Variants in ASIC2 observed in about 807,000 individuals in gnomAD.
ASIC2 encodes the protein acid-sensing ion channel 2.
ASIC2 carries 25 observed loss-of-function variants against 57.3 expected under a neutral mutation model. That is an observed-to-expected ratio of 0.44 (90% CI 0.32 to 0.61). The LOEUF (loss-of-function observed/expected upper bound fraction) is 0.61. Ranked by LOEUF, ASIC2 falls within the 20% of genes least tolerant of loss-of-function variation. The pLI is 0.06. For synonymous variants in ASIC2, 319 were observed against 307.5 expected, an observed-to-expected ratio of 1.04 and a Z score of -0.39; for missense variants, 641 against 738.1, an observed-to-expected ratio of 0.87 and a Z score of 1.52.
Position 33,399,557 on chromosome 17 carries a change from C to T in ASIC2, c.556-287490G>A, listed in dbSNP as rs1366216284. Among the ~76,000 whole-genome samples, 4 of 152,328 alleles carry T rather than the reference C, an allele frequency of 2.6e-5. No homozygotes were observed. The East Asian group carries it at 5.8e-4, about 22-fold the overall frequency. The stretch of plus-strand genomic sequence containing the variant: ...ATGAACCATCTAAATCCCAGTATGG[C>T]CTGTTCCCCACAGCATGCTGGCCAC... On this transcript the variant is annotated intron_variant, in intron 1 of 9. Transcript: ENST00000359872.
At chr17:33,409,262 A>T (rs1407433843) in intron 1 of ASIC2, among the ~76,000 whole-genome samples, 5 of 152,140 alleles carry the variant, frequency 3.3e-5, no homozygotes, top group African/African-American at 1.2e-4. Flanking sequence ...TTTCCTCCAG[A>T]GGTCATCAAC....
In ASIC2 at chr17:34,066,961, C is replaced by T. The variant is rs187562875; in HGVS notation, c.555+89017G>A. On this transcript the variant is annotated intron_variant, in intron 1 of 9. Transcript: ENST00000359872. The stretch of plus-strand genomic sequence containing the variant: ...AAAGCCCCTGTGTCTAACCTCAAAT[C>T]TGAGAGAACTAAAGTGACGGCACTA... 5.9e-5 allele frequency among the ~76,000 whole-genome samples: 9 copies of T among 152,328 alleles called. No homozygotes were observed. In the East Asian group the frequency reaches 1.7e-3, roughly 29 times the overall value.
At chr17:33,879,640 C>T (rs531532048) in intron 1 of ASIC2, among the ~76,000 whole-genome samples, 61 of 152,200 alleles carry the variant, frequency 4.0e-4, no homozygotes, top group African/African-American at 1.3e-3. Context: ...ACTTAGACTC[C>T]CACACAATAA....
At chr17:33,521,913 C>A (rs1914752906) in intron 1 of ASIC2, among the ~76,000 whole-genome samples, 1 of 152,324 alleles carries the variant, frequency 6.6e-6, no homozygotes, top group East Asian at 1.9e-4. Context: ...TCCCCCATCA[C>A]CTGGCACCTA....
At chr17:33,582,827 A>T (rs1458233444) in intron 1 of ASIC2, among the ~76,000 whole-genome samples, 1 of 152,200 alleles carries the variant, frequency 6.6e-6, no homozygotes, top group Non-Finnish European at 1.5e-5. Flanking sequence ...AAACAAAGAG[A>T]TGAACATTAA....
intron 1 of ASIC2, among the ~76,000 whole-genome samples, chr17:33,734,216 A>C (rs1420460631): frequency 6.8e-6 from 1 of 147,912 alleles, no homozygotes; most frequent in East Asian, 2.0e-4. Flanking sequence ...CCTTCCTCCC[A>C]TGCTCCCGTC....
intron 1 of ASIC2, among the ~76,000 whole-genome samples, chr17:34,131,874 A>C (rs1214008570): frequency 6.6e-6 from 1 of 152,158 alleles, no homozygotes; most frequent in African/African-American, 2.4e-5. Flanking sequence ...GTGCTGGCCC[A>C]CTGACGAATT....
rs1031223290 is a variant in ASIC2, at chr17:33,100,054, T to C, written c.860-11064A>G. Reference sequence around the variant, plus strand: ...GGGGAACAGTGGTCTGGATCAGAGCTTCTTACAGTTGGATGTGCACACGAA... The same window carrying C: ...GGGGAACAGTGGTCTGGATCAGAGCCTCTTACAGTTGGATGTGCACACGAA... On this transcript the variant is annotated intron_variant, in intron 2 of 9. Transcript: ENST00000225823. The C allele has an allele frequency of 6.6e-5, 10 of 152,304 alleles. 3 individuals are homozygous for C. The highest frequency in any genetic ancestry group is 6.5e-4 in the Admixed American group (10 of 15,290). The allele number at this position is 152,304 out of a possible 1,614,324, so 9.4% of individuals were successfully genotyped here.
chr17:33,173,170 G>A (rs955713883), intron 1 of ASIC2, among the ~76,000 whole-genome samples: 2 of 152,188 alleles, frequency 1.3e-5, no homozygotes, highest in South Asian at 4.1e-4. Context: ...AGATGAGGCA[G>A]ACTCCCGAGT....
chr17:33,021,694 G>T (rs1386188179), intron 6 of ASIC2, among the ~76,000 whole-genome samples: 1 of 152,208 alleles, frequency 6.6e-6, no homozygotes, highest in Non-Finnish European at 1.5e-5. Flanking sequence ...TGCTCCAGCT[G>T]ACCTCATGGG....
chr17:33,443,637 C>T (rs1044848465), intron 1 of ASIC2, among the ~76,000 whole-genome samples: 1,599 of 150,962 alleles, frequency 0.011, 27 homozygotes, highest in African/African-American at 0.037. Context: ...GGGATGGTCT[C>T]GATCTCCTGA....
chr17:33,780,819 A>G (rs1407354029), intron 1 of ASIC2, among the ~76,000 whole-genome samples: 1 of 152,140 alleles, frequency 6.6e-6, no homozygotes, highest in Admixed American at 6.5e-5. Flanking sequence ...GTGGTCATTG[A>G]CTTAACAGTG....
chr17:33,556,861 C>G (rs1020256481), intron 1 of ASIC2, among the ~76,000 whole-genome samples: 3 of 152,180 alleles, frequency 2.0e-5, no homozygotes, highest in African/African-American at 7.2e-5. Flanking sequence ...TAAGTTATTC[C>G]CATAAGCATA....
intron 1 of ASIC2, among the ~76,000 whole-genome samples, chr17:33,906,465 G>A (rs762260124): frequency 3.3e-5 from 5 of 152,200 alleles, no homozygotes; most frequent in Non-Finnish European, 7.3e-5. Context: ...TTGGGCAGCT[G>A]AGAGAAGATG....
chr17:33,602,641 G>A (rs536172246), intron 1 of ASIC2, among the ~76,000 whole-genome samples: 1 of 152,274 alleles, frequency 6.6e-6, no homozygotes, highest in African/African-American at 2.4e-5. Flanking sequence ...CCCTCAATGA[G>A]CTGCATCACC....
At position 33,193,451 on chromosome 17, in the gene ASIC2, C is replaced by T. The variant is rs528184086; in HGVS notation, c.709-81384G>A. 3.2e-3 allele frequency among the ~76,000 whole-genome samples: 494 copies of T among 152,266 alleles called. 4 individuals carry two copies. Among genetic ancestry groups the T allele is most frequent in the South Asian group, 4.6e-3 (22 of 4,818 alleles). ...ATCCCTCCGGAGGCTTTACCATTTT[C>T]CTGTAAATGGCTCCAGGACTGGTGC... is the stretch of plus-strand genomic sequence containing the variant. On this transcript the variant is annotated intron_variant, in intron 1 of 9. Coordinates refer to ENST00000225823, the MANE Select transcript of ASIC2 (RefSeq NM_183377.2).
At chr17:33,223,993 G>T (rs1302318493) in intron 1 of ASIC2, among the ~76,000 whole-genome samples, 5 of 152,188 alleles carry the variant, frequency 3.3e-5, no homozygotes, top group Admixed American at 1.3e-4. Flanking sequence ...ACAGGGATCT[G>T]CAGGCACCTC....
At chr17:33,254,630 C>T (rs1260699637) in intron 1 of ASIC2, among the ~76,000 whole-genome samples, 1 of 152,102 alleles carries the variant, frequency 6.6e-6, no homozygotes, top group African/African-American at 2.4e-5. Context: ...CAGAAGGTAT[C>T]ACCTCCTTCA....
chr17:34,124,670 C>T (rs909051971), intron 1 of ASIC2, among the ~76,000 whole-genome samples: 1 of 152,166 alleles, frequency 6.6e-6, no homozygotes, highest in African/African-American at 2.4e-5. Context: ...AGTCCAAGAT[C>T]AGGATGCCAG....
Sources: allele counts gnomAD v4.1 joint callset (sites outside exome capture counted in the v4.1 genomes callset), GRCh38; gene constraint gnomAD v4.1.1; transcripts MANE v1.5; gene names NCBI Gene and HGNC (gene_info 2026-07-23, HGNC 2026-07-21).